GRIN2B: variants seen among roughly 807,000 people sequenced by gnomAD.
The protein encoded by GRIN2B is glutamate receptor ionotropic, NMDA 2B.
Under a neutral mutation model 114.5 loss-of-function variants are expected in GRIN2B, and 5 were observed. The observed-to-expected ratio is 0.04, with a 90% confidence interval of 0.02 to 0.09. The LOEUF is 0.09. Among genes scored for constraint, GRIN2B ranks in the 10% least tolerant of loss-of-function variants. GRIN2B has a pLI of 1.00. For synonymous variants in GRIN2B, 787 were observed against 745.1 expected, an observed-to-expected ratio of 1.06 and a Z score of -0.92; for missense variants, 1,108 against 1,943.5, an observed-to-expected ratio of 0.57 and a Z score of 8.08.
At chr12:13,936,885 G>C (rs981361414) in intron 2 of GRIN2B, among the ~76,000 whole-genome samples, 1 of 151,678 alleles carries the variant, frequency 6.6e-6, no homozygotes, top group Non-Finnish European at 1.5e-5. Context: ...TAACTAGAAA[G>C]TACACTAACT....
intron 10 of GRIN2B, among the ~76,000 whole-genome samples, chr12:13,585,164 A>G (rs1948901869): frequency 6.6e-6 from 1 of 152,168 alleles, no homozygotes; most frequent in Admixed American, 6.5e-5. Context: ...AAGATTCCCA[A>G]TGAATTTAGG....
At position 13,662,595 on chromosome 12, in the gene GRIN2B, G is replaced by A. The variant is rs138768040; in HGVS notation, c.1125+13150C>T. Reference sequence around the variant, plus strand: ...TCTGGCCCCACTCACCAAGACACAGGCTCCTTGAGGAAGGGAACTTGTTGG... The same window carrying A: ...TCTGGCCCCACTCACCAAGACACAGACTCCTTGAGGAAGGGAACTTGTTGG... On this transcript the variant is annotated intron_variant, in intron 5 of 13. Transcript: ENST00000609686. Among the ~76,000 whole-genome samples the A allele has an allele frequency of 7.3e-3, 1,118 of 152,218 alleles. 4 individuals are homozygous for A. The highest frequency in any genetic ancestry group is 0.017 in the Middle Eastern group (5 of 294).
At chr12:13,758,636 G>A (rs1430790082) in intron 3 of GRIN2B, among the ~76,000 whole-genome samples, 1 of 152,194 alleles carries the variant, frequency 6.6e-6, no homozygotes, top group African/African-American at 2.4e-5. Context: ...ATCTAACAGA[G>A]GGATTTTTGC....
At chr12:13,975,929 C>T (rs115234181) in intron 2 of GRIN2B, among the ~76,000 whole-genome samples, 2,956 of 152,316 alleles carry the variant, frequency 0.019, 78 homozygotes, top group African/African-American at 0.066. Flanking sequence ...CTCTGCCAAC[C>T]TCTGCTGAAA....
intron 2 of GRIN2B, among the ~76,000 whole-genome samples, chr12:13,917,448 T>TA (rs1866753458): frequency 6.6e-6 from 1 of 152,036 alleles, no homozygotes; most frequent in African/African-American, 2.4e-5. Context: ...GGTACTTAAA[T>TA]AAGAGGCACT....
chr12:13,909,424 C>T (rs1284362252), intron 2 of GRIN2B, among the ~76,000 whole-genome samples: 1 of 152,120 alleles, frequency 6.6e-6, no homozygotes, highest in Admixed American at 6.5e-5. Context: ...GGGATAGGGC[C>T]GTGTGTCCTA....
chr12:13,813,463 G>A (rs1864769643), intron 3 of GRIN2B, among the ~76,000 whole-genome samples: 1 of 152,150 alleles, frequency 6.6e-6, no homozygotes, highest in Non-Finnish European at 1.5e-5. Flanking sequence ...AACAGGATGA[G>A]GAGAAAATGT....
intron 2 of GRIN2B, among the ~76,000 whole-genome samples, chr12:13,867,847 G>A (rs1030692974): frequency 4.0e-5 from 6 of 150,248 alleles, no homozygotes; most frequent in African/African-American, 1.5e-4. Context: ...AAGAGAGAGA[G>A]CATACAATCA....
intron 12 of GRIN2B, among the ~76,000 whole-genome samples, 193 bp from the exon 13 acceptor site, chr12:13,567,456 C>T (rs551029756): frequency 8.1e-4 from 124 of 152,350 alleles, no homozygotes; most frequent in African/African-American, 2.7e-3. Context: ...AATTCATCAA[C>T]GTACTTAGTA....
Position 13,666,745 on chromosome 12 carries a change from C to T in GRIN2B, c.1125+9000G>A, listed in dbSNP as rs547959495. 2.0e-5 allele frequency among the ~76,000 whole-genome samples: 3 copies of T among 152,228 alleles called. No homozygotes were observed. The East Asian group carries it at 5.8e-4, about 29-fold the overall frequency. ...AGGTATTGTGGAGATACAGCCTGTGCATGGCTGGTACAAATCCATCATCAC... is the reference window on the plus strand; with the variant it reads ...AGGTATTGTGGAGATACAGCCTGTGTATGGCTGGTACAAATCCATCATCAC... On this transcript the variant is annotated intron_variant, in intron 5 of 13. Coordinates refer to ENST00000609686, the MANE Select transcript of GRIN2B (RefSeq NM_000834.5).
intron 3 of GRIN2B, among the ~76,000 whole-genome samples, chr12:13,772,809 A>G (rs1184902473): frequency 1.3e-5 from 2 of 152,174 alleles, no homozygotes; most frequent in Non-Finnish European, 2.9e-5. Context: ...CAATTTCTAA[A>G]TATCTTCACA....
At chr12:13,574,484 G>GAAAATTGCAATCATGTCCA in intron 10 of GRIN2B, among the ~76,000 whole-genome samples, 1 of 152,254 alleles carries the variant, frequency 6.6e-6, no homozygotes, top group Middle Eastern at 3.4e-3. Flanking sequence ...AAACATCAGT[G>GAAAATTGCAATCATGTCCA]AAAATTGCAA....
chr12:13,753,707 A>T lies in GRIN2B; in HGVS notation c.620T>A (p.Met207Lys). 1 of 1,614,174 alleles carries T rather than the reference A, an allele frequency of 6.2e-7. No individual in the cohort carries two copies. Among genetic ancestry groups the T allele is most frequent in the Non-Finnish European group, 8.5e-7 (1 of 1,179,968 alleles). ...CTTAGAATCTCCATCGTCCAGGGAC[A>T]TGTCCAGTAGGAGGACCTCCTCTAG... Reference protein sequence around the residue: ...WELEEVLLLDMSLDDGDSKIQ... With the variant: ...WELEEVLLLDKSLDDGDSKIQ... The change falls in exon 4 of 14, where the codon ATG (methionine) becomes AAG (lysine). Residue 207 changes from methionine to lysine, a missense_variant. This residue lies in a region of GRIN2B where 199 missense variants were observed against 439.6 expected (regional missense o/e 0.45). Coordinates refer to ENST00000609686, the MANE Select transcript of GRIN2B (RefSeq NM_000834.5). This position sits in a 1 kb window ranked among gnomAD's most constrained non-coding sequence, Gnocchi z 6.2.
At chr12:13,900,212 G>T (rs1242399874) in intron 2 of GRIN2B, among the ~76,000 whole-genome samples, 1 of 152,130 alleles carries the variant, frequency 6.6e-6, no homozygotes, top group South Asian at 2.1e-4. Context: ...GGTGGCTCAT[G>T]CCTGTAATCC....
At chr12:13,886,887 T>C (rs1235531692) in intron 2 of GRIN2B, among the ~76,000 whole-genome samples, 1 of 152,196 alleles carries the variant, frequency 6.6e-6, no homozygotes, top group African/African-American at 2.4e-5. Flanking sequence ...CTCCAAGTGC[T>C]TTATATATAG....
intron 5 of GRIN2B, among the ~76,000 whole-genome samples, chr12:13,630,081 T>C (rs1949604638): frequency 1.3e-5 from 2 of 152,224 alleles, no homozygotes; most frequent in African/African-American, 4.8e-5. Context: ...AATATTATCA[T>C]TTTCTTTTAT....
chr12:13,765,853 C>T (rs897537505), intron 3 of GRIN2B, among the ~76,000 whole-genome samples: 3 of 125,104 alleles, frequency 2.4e-5, no homozygotes, highest in African/African-American at 9.0e-5. Context: ...CCACCAACCA[C>T]TGCAGCACAC....
rs549859637 is a variant in GRIN2B at position 13,850,017 on chromosome 12, T to C, written c.411+15781A>G. Among the ~76,000 whole-genome samples, 186 of 152,150 alleles carry C rather than the reference T, an allele frequency of 1.2e-3. 3 individuals carry two copies. The highest frequency in any genetic ancestry group is 6.0e-3 in the South Asian group (29 of 4,810). ...TATCCTGGGAAAATAATAGGGACAA[T>C]AGATGCTGAAGGACCAGCAATGGGA... On this transcript the variant is annotated intron_variant, in intron 3 of 13. Coordinates refer to ENST00000609686, the MANE Select transcript of GRIN2B (RefSeq NM_000834.5).
At chr12:13,827,661 G>C (rs1179830517) in intron 3 of GRIN2B, among the ~76,000 whole-genome samples, 1 of 135,218 alleles carries the variant, frequency 7.4e-6, no homozygotes, top group Non-Finnish European at 1.5e-5. Context: ...TTATATCTCT[G>C]AACATATTTA....
Sources: gnomAD v4.1 joint callset for allele counts (sites outside exome capture counted in the v4.1 genomes callset) on GRCh38, gnomAD v4.1.1 for gene constraint, gnomAD v4.1.1 regional missense constraint, Gnocchi (gnomAD v3.1) non-coding constraint, MANE v1.5 for transcripts, NCBI Gene and HGNC (gene_info 2026-07-23, HGNC 2026-07-21) for gene names.